Variants in TP53BP1 observed in about 807,000 individuals in gnomAD.
The protein encoded by TP53BP1 is TP53-binding protein 1.
A neutral mutation model predicts 200.8 loss-of-function variants in TP53BP1; 61 were observed. That is an observed-to-expected ratio of 0.30 (90% CI 0.25 to 0.38). The LOEUF (loss-of-function observed/expected upper bound fraction) is 0.38, where lower values mean the gene tolerates loss of function less well. Among genes scored for constraint, TP53BP1 ranks in the 10% least tolerant of loss-of-function variants. TP53BP1 has a pLI of 1.00. For missense variants in TP53BP1, 2,144 were observed against 2,371.9 expected (o/e 0.90, Z 2.00); for synonymous variants, 822 against 844.3 (o/e 0.97, Z 0.46).
chr15:43,410,304 G>T (rs1174747688), intron 24 of TP53BP1, among the ~76,000 whole-genome samples: 1 of 152,138 alleles, frequency 6.6e-6, no homozygotes, highest in African/African-American at 2.4e-5. Flanking sequence ...AATTTTAACT[G>T]ATTAAGTGAA....
intron 10 of TP53BP1, among the ~76,000 whole-genome samples, chr15:43,470,689 C>T (rs1225581374): frequency 6.6e-6 from 1 of 152,104 alleles, no homozygotes; most frequent in African/African-American, 2.4e-5. Flanking sequence ...AAACACAAAA[C>T]ACTGCTTTCC....
In TP53BP1 at chr15:43,491,649, C is replaced by T. The variant is rs374316693; in HGVS notation, c.371+20G>A. Reference sequence around the variant, plus strand: ...AAATCTGATAATACATTTAAATAAACCCCTTCAAACACTGTATACCTGCTT... The same window carrying T: ...AAATCTGATAATACATTTAAATAAATCCCTTCAAACACTGTATACCTGCTT... On this transcript the variant is annotated intron_variant, in intron 4 of 27. Transcript: ENST00000382044. 16 of 1,564,992 alleles carry T rather than the reference C, an allele frequency of 1.0e-5. No homozygotes were observed. The East Asian group carries it at 2.7e-4, about 26-fold the overall frequency.
chr15:43,467,133 A>G (rs2046603848), intron 11 of TP53BP1, among the ~76,000 whole-genome samples: 1 of 151,354 alleles, frequency 6.6e-6, no homozygotes, highest in Non-Finnish European at 1.5e-5. Flanking sequence ...GGCTCACTGC[A>G]GCCTCAACTT....
chr15:43,418,808 A>G (rs1413618404), intron 21 of TP53BP1, among the ~76,000 whole-genome samples: 2 of 152,246 alleles, frequency 1.3e-5, no homozygotes, highest in East Asian at 3.8e-4. Flanking sequence ...ACACAGCACT[A>G]AAAACTTCTC....
At position 43,406,633 on chromosome 15, in the gene TP53BP1, T is replaced by G. The variant is rs899801465; in HGVS notation, c.*750A>C. 7 of 455,824 alleles carry G rather than the reference T, an allele frequency of 1.5e-5. No individual in the cohort carries two copies. The highest frequency in any genetic ancestry group is 7.1e-5 in the Admixed American group (3 of 42,546). 28.2% of individuals were successfully genotyped at this position (455,824 alleles called of 1,614,324 possible). ...CCTTGTTGACCCCTGCTTTAGAGAA[T>G]GAGAAGCCATGCAGGGATCAGTGAT... On this transcript the variant is annotated 3_prime_UTR_variant, in exon 28 of 28. Coordinates refer to ENST00000382044, the MANE Select transcript of TP53BP1 (RefSeq NM_001141980.3).
chr15:43,409,925 AAAG>A (rs2045060867), intron 24 of TP53BP1, among the ~76,000 whole-genome samples, 184 bp from the exon 25 acceptor site: 4 of 152,310 alleles, frequency 2.6e-5, no homozygotes, highest in African/African-American at 9.6e-5. Context: ...AATGCTGCCA[AAAG>A]AAGGGACAAG....
rs1010384305 is a variant in TP53BP1 at position 43,428,134 on chromosome 15, T to C, written c.3710A>G (p.His1237Arg). 1 of 1,613,602 alleles carries C rather than the reference T, an allele frequency of 6.2e-7. No homozygotes were observed. Among genetic ancestry groups the C allele is most frequent in the Non-Finnish European group, 8.5e-7 (1 of 1,179,686 alleles). The change falls in exon 18 of 28, where the codon CAT becomes CGT. Residue 1237 changes from histidine (H) to arginine (R), a missense_variant. Physicochemically the swap from His to Arg is conservative, Grantham distance 29 (BLOSUM62 0). Around this residue, in one of 4 missense-constraint regions of TP53BP1, gnomAD observed 1,700 missense variants for 1,710.3 expected, o/e 0.99. Transcript: ENST00000382044. ...EEEFDMPQPP[H>R]GHVLHRHMRT... is the part of the protein sequence containing the mutation. ...CATGTGACGATGTAAGACATGGCCATGTGGAGGCTGAGGCATATCAAACTC... is the reference window on the plus strand; with the variant it reads ...CATGTGACGATGTAAGACATGGCCACGTGGAGGCTGAGGCATATCAAACTC...
chr15:43,470,722 G>A (rs917680061), intron 10 of TP53BP1, among the ~76,000 whole-genome samples: 1 of 152,162 alleles, frequency 6.6e-6, no homozygotes, highest in Non-Finnish European at 1.5e-5. Context: ...CCCACCTGTA[G>A]GCTATCAGGA....
intron 16 of TP53BP1, 103 bp from the exon 17 acceptor site, chr15:43,432,780 C>A: frequency 7.9e-7 from 1 of 1,264,138 alleles, no homozygotes; most frequent in Non-Finnish European, 1.1e-6. Context: ...AGGGGGGAGC[C>A]ATATTTTGAC....
rs1339215977 is a variant in TP53BP1 at position 43,420,457 on chromosome 15, T to C, written c.4529A>G (p.Lys1510Arg). 2.5e-6 allele frequency: 4 copies of C among 1,614,068 alleles called. No homozygotes were observed. In the African/African-American group the frequency reaches 5.3e-5, roughly 22 times the overall value. ...CCCAGCTCCGACATCTCGTGTGATT[T>C]TCCCAGAGTAAAAGTAGCCATTGGA... Reference protein sequence around the residue: ...WSSNGYFYSGKITRDVGAGKY... With the variant: ...WSSNGYFYSGRITRDVGAGKY... Residue 1510 changes from lysine (K) to arginine (R), a missense_variant, in exon 21 of 28, where the codon AAA becomes AGA. Lys to Arg is a conservative substitution (Grantham distance 26, BLOSUM62 2). Around this residue, in one of 4 missense-constraint regions of TP53BP1, gnomAD observed 61 missense variants for 147.5 expected, o/e 0.41. Coordinates refer to ENST00000382044, the MANE Select transcript of TP53BP1 (RefSeq NM_001141980.3).
At chr15:43,481,070 A>G in intron 4 of TP53BP1, 48 bp from the exon 5 acceptor site, 13 of 1,611,388 alleles carry the variant, frequency 8.1e-6, no homozygotes, top group Non-Finnish European at 1.1e-5. Context: ...AGTTTGGGAC[A>G]CTTTAATCAG....
At chr15:43,443,633 T>C (rs2045978345) in intron 14 of TP53BP1, among the ~76,000 whole-genome samples, 1 of 152,156 alleles carries the variant, frequency 6.6e-6, no homozygotes, top group Non-Finnish European at 1.5e-5. Flanking sequence ...AGATGGAGGC[T>C]GCAGTGAGCT....
Position 43,405,344 on chromosome 15 carries a change from T to G in TP53BP1, c.*2039A>C. 1 of 1,027,748 alleles carries G rather than the reference T, an allele frequency of 9.7e-7. No homozygotes were observed. Among genetic ancestry groups the G allele is most frequent in the Non-Finnish European group, 1.5e-6 (1 of 678,854 alleles). The allele number at this position is 1,027,748 out of a possible 1,614,324, so 63.7% of individuals were successfully genotyped here. ...AGTGATAGGACTCTACCTTTTCTCC[T>G]AGAAGCAGTTACTGAACATCCAGGA... On this transcript the variant is annotated 3_prime_UTR_variant, in exon 28 of 28. Coordinates refer to ENST00000382044, the MANE Select transcript of TP53BP1 (RefSeq NM_001141980.3).
At chr15:43,412,444 T>G (rs45513094) in intron 24 of TP53BP1, among the ~76,000 whole-genome samples, 56 of 152,354 alleles carry the variant, frequency 3.7e-4, no homozygotes, top group African/African-American at 1.3e-3. Flanking sequence ...TACATTTATA[T>G]CTGCTCATTC....
chr15:43,421,255 T>C (rs1478202165), intron 19 of TP53BP1, 81 bp from the exon 20 acceptor site: 7 of 1,462,070 alleles, frequency 4.8e-6, no homozygotes, highest in African/African-American at 2.8e-5. Context: ...GCCCTCAGAC[T>C]ACATGACAGG....
chr15:43,410,832 C>T (rs1382678471), intron 24 of TP53BP1, among the ~76,000 whole-genome samples: 1 of 152,146 alleles, frequency 6.6e-6, no homozygotes, highest in Non-Finnish European at 1.5e-5. Context: ...GTCTCCATCT[C>T]CACTTAGTTC....
At chr15:43,479,216 A>C (rs1348354848) in intron 7 of TP53BP1, among the ~76,000 whole-genome samples, 181 bp downstream of exon 7, 2 of 152,216 alleles carry the variant, frequency 1.3e-5, no homozygotes, top group African/African-American at 4.8e-5. Context: ...ACAGACAGAC[A>C]AAAAACAATT....
chr15:43,433,653 C>T (rs45457091), intron 16 of TP53BP1, among the ~76,000 whole-genome samples: 1,598 of 152,264 alleles, frequency 0.01, 25 homozygotes, highest in African/African-American at 0.036. Flanking sequence ...CTCCATTACA[C>T]GCACAATAGC....
chr15:43,417,293 C>T (rs2045288146), intron 21 of TP53BP1: 1 of 152,206 alleles, frequency 6.6e-6, no homozygotes, highest in Non-Finnish European at 1.5e-5. Context: ...ACCCATTAGC[C>T]TATGCTTGAA....
Sources: gnomAD v4.1 joint callset for allele counts (sites outside exome capture counted in the v4.1 genomes callset) on GRCh38, gnomAD v4.1.1 for gene constraint, gnomAD v4.1.1 regional missense constraint, MANE v1.5 for transcripts, NCBI Gene and HGNC (gene_info 2026-07-23, HGNC 2026-07-21) for gene names.